Variants in PCDHA1 observed in about 807,000 individuals in gnomAD.
The protein encoded by PCDHA1 is protocadherin alpha-1.
In PCDHA1, 42 loss-of-function variants were observed where a neutral mutation model predicts 61.3. The observed-to-expected ratio is 0.69, with a 90% CI of 0.54 to 0.89. The LOEUF (loss-of-function observed/expected upper bound fraction) is 0.89. Ranked by LOEUF, PCDHA1 falls within the 40% of genes least tolerant of loss-of-function variation. PCDHA1 has a pLI of 0.00. For missense variants in PCDHA1, 1,256 were observed against 1,235.3 expected (o/e 1.02, Z -0.25); for synonymous variants, 610 against 553.8 (o/e 1.10, Z -1.43).
chr5:140,822,224 G>C (rs2150114696), intron 1 of PCDHA1: 3 of 1,614,208 alleles, frequency 1.9e-6, no homozygotes, highest in East Asian at 4.5e-5. Context: ...CCAGATTCGC[G>C]GTTTCCGCTA....
chr5:140,813,642 T>C (rs1554126262), intron 1 of PCDHA1: 1 of 152,226 alleles, frequency 6.6e-6, no homozygotes, highest in Non-Finnish European at 1.5e-5. Flanking sequence ...GACATTACTG[T>C]GCACTAATGT....
At chr5:140,909,574 T>G (rs1363183074) in intron 1 of PCDHA1, among the ~76,000 whole-genome samples, 1 of 152,134 alleles carries the variant, frequency 6.6e-6, no homozygotes, top group Non-Finnish European at 1.5e-5. Flanking sequence ...TCCAGAGATG[T>G]GATATGTTTT....
chr5:140,804,943 C>G, intron 1 of PCDHA1: 2 of 1,240,972 alleles, frequency 1.6e-6, no homozygotes, highest in Non-Finnish European at 2.1e-6. Context: ...TTTGTTGCTC[C>G]CTTGTCCATG....
chr5:140,946,335 G>A lies in PCDHA1; in HGVS notation c.2395-32614G>A, dbSNP rs555314202. ...ATTATTGAAAGAGGAAAGATAACAA[G>A]TGATGGAGAGGATGTGGAGAAAAGG... On this transcript the variant is annotated intron_variant, in intron 1 of 3. Transcript: ENST00000504120. Among the ~76,000 whole-genome samples, 250 of 151,944 alleles carry A rather than the reference G, an allele frequency of 1.6e-3. 2 individuals are homozygous for A. The highest frequency in any genetic ancestry group is 2.8e-3 in the Non-Finnish European group (188 of 67,814).
chr5:140,961,071 G>T (rs1344860284), intron 1 of PCDHA1, among the ~76,000 whole-genome samples: 1 of 152,208 alleles, frequency 6.6e-6, no homozygotes, highest in Non-Finnish European at 1.5e-5. Flanking sequence ...GATATCTGGA[G>T]TATCAAGTAA....
intron 1 of PCDHA1, chr5:140,868,560 T>C (rs2050524245): frequency 1.3e-5 from 2 of 152,862 alleles, no homozygotes; most frequent in South Asian, 2.1e-4. Flanking sequence ...TATTTTTATA[T>C]GAGGAACAAC....
intron 1 of PCDHA1, chr5:140,859,513 T>C: frequency 5.1e-6 from 1 of 196,260 alleles, no homozygotes; most frequent in Non-Finnish European, 1.0e-5. Context: ...ACCCATGATT[T>C]CATTTTTAAA....
chr5:140,851,517 A>C (rs1290684198), intron 1 of PCDHA1: 5 of 904,746 alleles, frequency 5.5e-6, no homozygotes, highest in Non-Finnish European at 4.0e-6. Flanking sequence ...AATATGTTTT[A>C]AAATGCCTGA....
At chr5:140,989,665 T>G (rs2097353443) in intron 3 of PCDHA1, among the ~76,000 whole-genome samples, 2 of 152,190 alleles carry the variant, frequency 1.3e-5, no homozygotes, top group South Asian at 4.1e-4. Flanking sequence ...TAAAAGAAAC[T>G]CTGCCCAGAT....
At chr5:140,899,704 T>C (rs2067500536) in intron 1 of PCDHA1, among the ~76,000 whole-genome samples, 1 of 152,242 alleles carries the variant, frequency 6.6e-6, no homozygotes, top group Non-Finnish European at 1.5e-5. Context: ...TAAAATGAGT[T>C]AGGGAGGATT....
rs2042023727 is a variant in PCDHA1, at chr5:140,851,309, G to T, written c.2394+62625G>T. ...ACCCAAGCAAAAATATATAGCAATT[G>T]TTACCTTGTTAAGTTTGTAGTTCTC... On this transcript the variant is annotated intron_variant, in intron 1 of 3. Coordinates refer to ENST00000504120, the MANE Select transcript of PCDHA1 (RefSeq NM_018900.4). 5.0e-6 allele frequency: 5 copies of T among 1,000,390 alleles called. 1 individual carries two copies. Among genetic ancestry groups the T allele is most frequent in the Admixed American group, 5.3e-5 (1 of 18,698 alleles). 62.0% of individuals were successfully genotyped at this position (1,000,390 alleles called of 1,614,324 possible).
At position 140,978,793 on chromosome 5, in the gene PCDHA1, A is replaced by G. The variant is rs1241254692; in HGVS notation, c.2395-156A>G. 4.1e-6 allele frequency: 4 copies of G among 977,674 alleles called. No individual in the cohort carries two copies. In the African/African-American group the frequency reaches 7.0e-5, roughly 17 times the overall value. The allele number at this position is 977,674 out of a possible 1,614,324, so 60.6% of individuals were successfully genotyped here. On this transcript the variant is annotated intron_variant, in intron 1 of 3. Coordinates refer to ENST00000504120, the MANE Select transcript of PCDHA1 (RefSeq NM_018900.4). ...CTAATTTTCTTCTAAAGTGCTATAT[A>G]TGTAGATATCATCATAGAGTTACAC... is the stretch of plus-strand genomic sequence containing the variant.
chr5:141,002,598 C>T (rs2098087385), intron 3 of PCDHA1, among the ~76,000 whole-genome samples: 1 of 152,212 alleles, frequency 6.6e-6, no homozygotes, highest in Admixed American at 6.5e-5. Flanking sequence ...GTCCCCTCAT[C>T]TATAAAACAG....
intron 1 of PCDHA1, among the ~76,000 whole-genome samples, chr5:140,820,396 G>T (rs1212985248): frequency 6.6e-6 from 1 of 151,826 alleles, no homozygotes. Flanking sequence ...TTCTTATCAA[G>T]CTATATTTTA....
intron 1 of PCDHA1, chr5:140,828,638 A>G: frequency 6.2e-7 from 1 of 1,614,228 alleles, no homozygotes; most frequent in Non-Finnish European, 8.5e-7. Flanking sequence ...GCTAGATGTG[A>G]AAATAAACAG....
chr5:140,823,675 C>A, intron 1 of PCDHA1: 2 of 1,614,056 alleles, frequency 1.2e-6, no homozygotes, highest in Non-Finnish European at 1.7e-6. Flanking sequence ...CAGCACAACA[C>A]GCTCTCTGGA....
intron 1 of PCDHA1, chr5:140,930,529 C>T (rs1175564392): frequency 6.6e-6 from 1 of 152,500 alleles, no homozygotes; most frequent in African/African-American, 2.4e-5. Flanking sequence ...GGCCCTCAAA[C>T]TTCTTGAGTG....
intron 1 of PCDHA1, chr5:140,841,348 G>A: frequency 6.2e-7 from 1 of 1,612,736 alleles, no homozygotes; most frequent in Non-Finnish European, 8.5e-7. Context: ...GAGGAGAGCT[G>A]GGATCCTGGC....
chr5:140,931,626 A>G (rs1048704969), intron 1 of PCDHA1, among the ~76,000 whole-genome samples: 1 of 152,052 alleles, frequency 6.6e-6, no homozygotes, highest in Non-Finnish European at 1.5e-5. Flanking sequence ...CTTTTTAGGT[A>G]GCTCATTGGT....
Sources: gnomAD v4.1 joint callset for allele counts (sites outside exome capture counted in the v4.1 genomes callset) on GRCh38, gnomAD v4.1.1 for gene constraint, MANE v1.5 for transcripts, NCBI Gene and HGNC (gene_info 2026-07-23, HGNC 2026-07-21) for gene names.